Variants in RGS8 observed in about 807,000 individuals in gnomAD.
The protein encoded by RGS8 is regulator of G protein signaling 8.
A neutral mutation model predicts 21.7 loss-of-function variants in RGS8; 8 were observed. That is an observed-to-expected ratio of 0.37 (90% CI 0.22 to 0.66). The LOEUF (loss-of-function observed/expected upper bound fraction) is 0.66, where lower values mean the gene tolerates loss of function less well. RGS8 is among the 30% of genes least tolerant of loss of function. RGS8 has a pLI of 0.59. For synonymous variants in RGS8, 80 were observed against 83.6 expected, an observed-to-expected ratio of 0.96 and a Z score of 0.24; for missense variants, 157 against 217.9, an observed-to-expected ratio of 0.72 and a Z score of 1.76.
chr1:182,727,220 G>C, the RGS8 span, among the ~76,000 whole-genome samples: 1 of 152,206 alleles, frequency 6.6e-6, no homozygotes, highest in Non-Finnish European at 1.5e-5. Context: ...TACTAGCCAT[G>C]TGACCTTGGA....
chr1:182,695,200 C>T, the RGS8 span, among the ~76,000 whole-genome samples: 1 of 152,156 alleles, frequency 6.6e-6, no homozygotes, highest in African/African-American at 2.4e-5. Flanking sequence ...GCATTCATAA[C>T]TTCTGCTAAA....
intron 5 of RGS8, among the ~76,000 whole-genome samples, chr1:182,650,395 T>C (rs1433792671): frequency 6.6e-6 from 1 of 152,248 alleles, no homozygotes; most frequent in Non-Finnish European, 1.5e-5. Context: ...ATTGTATATC[T>C]TTGTCTTTCA....
chr1:182,741,492 CG>C, the RGS8 span, among the ~76,000 whole-genome samples: 1 of 120,908 alleles, frequency 8.3e-6, no homozygotes. Flanking sequence ...GCTGGCCGGG[CG>C]GGGGGCTGAC....
At chr1:182,732,672 A>G in the RGS8 span, among the ~76,000 whole-genome samples, 1 of 152,346 alleles carries the variant, frequency 6.6e-6, no homozygotes, top group South Asian at 2.1e-4. Flanking sequence ...TGAGCCAGAA[A>G]CAATTTTATT....
chr1:182,726,920 T>TA, the RGS8 span, among the ~76,000 whole-genome samples: 39 of 152,018 alleles, frequency 2.6e-4, no homozygotes, highest in African/African-American at 9.2e-4. Flanking sequence ...GACTTTTTTT[T>TA]ATCATGGACC....
the RGS8 span, among the ~76,000 whole-genome samples, chr1:182,716,293 T>C: frequency 6.6e-6 from 1 of 151,854 alleles, no homozygotes; most frequent in Non-Finnish European, 1.5e-5. Context: ...GCCTGGCTAA[T>C]TTTTTGTATT....
chr1:182,693,317 C>G, the RGS8 span, among the ~76,000 whole-genome samples: 1 of 152,114 alleles, frequency 6.6e-6, no homozygotes, highest in Admixed American at 6.5e-5. Context: ...AGGACATGAA[C>G]AGACACTTTT....
chr1:182,679,694 T>C (rs1055093187), intron 1 of RGS8, among the ~76,000 whole-genome samples: 6 of 152,150 alleles, frequency 3.9e-5, no homozygotes. Flanking sequence ...GTCCTTGGGT[T>C]GCTGAACATA....
the RGS8 span, chr1:182,733,966 G>A: frequency 1.3e-5 from 2 of 151,790 alleles, no homozygotes; most frequent in Non-Finnish European, 1.5e-5. Context: ...AGTTGCTCAG[G>A]CTGGGGTGCA....
the RGS8 span, among the ~76,000 whole-genome samples, chr1:182,736,735 G>A: frequency 2.0e-5 from 3 of 152,300 alleles, no homozygotes; most frequent in Non-Finnish European, 1.5e-5. Context: ...CAAACATACA[G>A]AACACAGAAG....
chr1:182,709,857 G>C, the RGS8 span, among the ~76,000 whole-genome samples: 1 of 152,130 alleles, frequency 6.6e-6, no homozygotes, highest in Admixed American at 6.5e-5. Flanking sequence ...CTATCCCTTA[G>C]GGTCATTATG....
At chr1:182,677,937 T>C (rs1167409409) in intron 1 of RGS8, among the ~76,000 whole-genome samples, 1 of 152,206 alleles carries the variant, frequency 6.6e-6, no homozygotes, top group Non-Finnish European at 1.5e-5. Context: ...CCATCAGGGT[T>C]AAAAATAAAG....
intron 1 of RGS8, among the ~76,000 whole-genome samples, chr1:182,683,481 T>C (rs74569055): frequency 0.016 from 2,481 of 152,100 alleles, 61 homozygotes; most frequent in African/African-American, 0.057. Context: ...AAGCTTTCCT[T>C]CATTATTTCA....
chr1:182,650,702 A>G (rs1662968843), intron 5 of RGS8, among the ~76,000 whole-genome samples: 2 of 152,202 alleles, frequency 1.3e-5, no homozygotes, highest in Admixed American at 6.5e-5. Flanking sequence ...CTCTACAAAA[A>G]ATACAAAAAT....
intron 5 of RGS8, among the ~76,000 whole-genome samples, chr1:182,648,906 G>T (rs1662846305): frequency 6.6e-6 from 1 of 152,146 alleles, no homozygotes; most frequent in Admixed American, 6.5e-5. Flanking sequence ...TTCGAGACCA[G>T]CCTGGCCAAC....
intron 5 of RGS8, among the ~76,000 whole-genome samples, chr1:182,662,325 CT>C (rs1663632149): frequency 1.3e-5 from 2 of 152,172 alleles, no homozygotes; most frequent in Admixed American, 1.3e-4. Context: ...CTGAGTCAAA[CT>C]ACCTGCCAAA....
chr1:182,686,803 G>C (rs1157678465), upstream of RGS8, among the ~76,000 whole-genome samples: 1 of 152,154 alleles, frequency 6.6e-6, no homozygotes, highest in African/African-American at 2.4e-5. Context: ...CCCAAGGACA[G>C]CAAGAGAAGA....
the RGS8 span, among the ~76,000 whole-genome samples, chr1:182,716,966 G>A: frequency 2.4e-4 from 37 of 152,260 alleles, no homozygotes; most frequent in African/African-American, 8.4e-4. Flanking sequence ...AAGGTATAAC[G>A]AACATACTAA....
At chr1:182,731,069 C>T in the RGS8 span, among the ~76,000 whole-genome samples, 11 of 152,314 alleles carry the variant, frequency 7.2e-5, no homozygotes, top group Admixed American at 7.2e-4. Context: ...TTCTATCTTC[C>T]TGTTCTCACC....
Sources: gnomAD v4.1 joint callset for allele counts (sites outside exome capture counted in the v4.1 genomes callset) on GRCh38, gnomAD v4.1.1 for gene constraint, MANE v1.5 for transcripts, NCBI Gene and HGNC (gene_info 2026-07-23, HGNC 2026-07-21) for gene names.